EPB41: variants seen among roughly 807,000 people sequenced by gnomAD.
EPB41 encodes protein 4.1.
EPB41 carries 65 observed loss-of-function variants against 108.0 expected under a neutral mutation model. The ratio of observed to expected loss-of-function variants is 0.60; its 90% CI spans 0.49 to 0.74. The LOEUF (loss-of-function observed/expected upper bound fraction) is 0.74, where lower values mean the gene tolerates loss of function less well. Ranked by LOEUF, EPB41 falls within the 30% of genes least tolerant of loss-of-function variation. The pLI is 0.00. For synonymous variants in EPB41, 336 were observed against 358.9 expected, an observed-to-expected ratio of 0.94 and a Z score of 0.72; for missense variants, 875 against 1,037.0, an observed-to-expected ratio of 0.84 and a Z score of 2.15.
At chr1:28,933,210 C>T (rs2093836253) in intron 1 of EPB41, among the ~76,000 whole-genome samples, 2 of 152,206 alleles carry the variant, frequency 1.3e-5, no homozygotes, top group Admixed American at 6.5e-5. Flanking sequence ...TAGATGGCAA[C>T]ATTTGTCTTT....
intron 1 of EPB41, among the ~76,000 whole-genome samples, chr1:28,969,989 T>G (rs1461011634): frequency 6.6e-6 from 1 of 152,216 alleles, no homozygotes; most frequent in African/African-American, 2.4e-5. Flanking sequence ...ACCAAAAAAT[T>G]ATTGTTTACT....
At chr1:28,933,096 G>T (rs2093830643) in intron 1 of EPB41, among the ~76,000 whole-genome samples, 1 of 151,994 alleles carries the variant, frequency 6.6e-6, no homozygotes, top group African/African-American at 2.4e-5. Flanking sequence ...TTGTCTTTAT[G>T]TATTTTTTTC....
At chr1:28,970,821 T>C (rs558310125) in intron 1 of EPB41, among the ~76,000 whole-genome samples, 1 of 152,290 alleles carries the variant, frequency 6.6e-6, no homozygotes, top group African/African-American at 2.4e-5. Context: ...TCCAGTAATG[T>C]GAAGCATTAG....
chr1:29,009,414 C>G (rs1478841853), intron 4 of EPB41, among the ~76,000 whole-genome samples: 1 of 152,088 alleles, frequency 6.6e-6, no homozygotes, highest in Non-Finnish European at 1.5e-5. Flanking sequence ...TTTGCCTTCC[C>G]TATGTCAAGT....
At chr1:28,972,049 G>A (rs764519338) in intron 1 of EPB41, among the ~76,000 whole-genome samples, 2 of 150,808 alleles carry the variant, frequency 1.3e-5, no homozygotes, top group Admixed American at 6.6e-5. Flanking sequence ...CCCTGCCCCC[G>A]TAGCTGGGAC....
intron 1 of EPB41, among the ~76,000 whole-genome samples, chr1:28,972,154 C>T (rs1203771039): frequency 6.6e-6 from 1 of 152,154 alleles, no homozygotes; most frequent in Non-Finnish European, 1.5e-5. Flanking sequence ...TCTTGAACTC[C>T]TAGGCTCAAG....
chr1:28,996,652 T>G (rs927748667), intron 3 of EPB41, among the ~76,000 whole-genome samples: 12 of 152,222 alleles, frequency 7.9e-5, no homozygotes, highest in African/African-American at 2.9e-4. Context: ...TGCTTTGAAT[T>G]GTAACACAAT....
chr1:29,087,478 T>A (rs143159225), intron 16 of EPB41, among the ~76,000 whole-genome samples: 44 of 152,292 alleles, frequency 2.9e-4, no homozygotes, highest in African/African-American at 1.1e-3. Flanking sequence ...TTCTCCTGCC[T>A]CAGCCTCCCG....
At chr1:28,989,596 G>A (rs2095957931) in intron 2 of EPB41, among the ~76,000 whole-genome samples, 1 of 152,132 alleles carries the variant, frequency 6.6e-6, no homozygotes, top group African/African-American at 2.4e-5. Flanking sequence ...AAAGTGCTGA[G>A]GGTAAAATTT....
chr1:28,927,003 C>T (rs1017999761), intron 1 of EPB41, among the ~76,000 whole-genome samples: 2 of 152,106 alleles, frequency 1.3e-5, no homozygotes, highest in Admixed American at 6.5e-5. Context: ...GCTTTATTTC[C>T]GGTTGGGTAG....
intron 1 of EPB41, among the ~76,000 whole-genome samples, chr1:28,916,810 A>T (rs1367248547): frequency 2.0e-5 from 3 of 149,120 alleles, no homozygotes; most frequent in East Asian, 1.9e-4. Context: ...TTTTTTTTTT[A>T]AACAGGGTCT....
At chr1:28,975,167 G>A (rs1219857077) in intron 1 of EPB41, among the ~76,000 whole-genome samples, 1 of 151,916 alleles carries the variant, frequency 6.6e-6, no homozygotes, top group Non-Finnish European at 1.5e-5. Context: ...CCTGACCTCA[G>A]GTAATCCACC....
At chr1:28,953,595 G>A (rs1365690208) in intron 1 of EPB41, among the ~76,000 whole-genome samples, 1 of 152,212 alleles carries the variant, frequency 6.6e-6, no homozygotes, top group African/African-American at 2.4e-5. Context: ...ATGAATGTAT[G>A]AATGCATACA....
intron 1 of EPB41, among the ~76,000 whole-genome samples, chr1:28,940,468 A>G (rs1395520414): frequency 1.3e-5 from 2 of 152,052 alleles, no homozygotes; most frequent in Non-Finnish European, 2.9e-5. Flanking sequence ...CCTGGTCAGC[A>G]TGGTGAAACC....
chr1:29,058,482 A>G (rs924671632), intron 12 of EPB41, 107 bp from the exon 13 acceptor site: 4 of 947,120 alleles, frequency 4.2e-6, no homozygotes, highest in Non-Finnish European at 6.7e-6. Flanking sequence ...ATTACGTATC[A>G]GCGTATTTCA....
At chr1:28,897,614 G>C (rs1223022974) in intron 1 of EPB41, among the ~76,000 whole-genome samples, 1 of 20,464 alleles carries the variant, frequency 4.9e-5, no homozygotes, top group Admixed American at 7.2e-4. Flanking sequence ...GGAGGGGAGG[G>C]GAGAGGAGGG....
rs369391127 is a variant in EPB41 at position 28,907,199 on chromosome 1, G to A, written c.-8+19989G>A. On this transcript the variant is annotated intron_variant, in intron 1 of 16. Coordinates refer to the EPB41 transcript ENST00000347529. ...TGTTACTCAGCCTCCCAAGTAGCTG[G>A]GATTACAGGTGCCCGCGACCACACC... 1.4e-4 allele frequency among the ~76,000 whole-genome samples: 22 copies of A among 151,942 alleles called. No homozygotes were observed. The East Asian group carries it at 4.1e-3, about 28-fold the overall frequency.
intron 1 of EPB41, among the ~76,000 whole-genome samples, chr1:28,930,572 C>T (rs1372415422): frequency 1.3e-5 from 2 of 151,856 alleles, no homozygotes; most frequent in Non-Finnish European, 2.9e-5. Flanking sequence ...GCAACCTCCG[C>T]CTCCCAGGTT....
At chr1:29,065,364 T>C (rs1558209084) in intron 16 of EPB41, 3 of 818,480 alleles carry the variant, frequency 3.7e-6, no homozygotes, top group Non-Finnish European at 5.1e-6. Flanking sequence ...TAGGAGCTAT[T>C]TGGAGCCACC....
Sources: allele counts gnomAD v4.1 joint callset (sites outside exome capture counted in the v4.1 genomes callset), GRCh38; gene constraint gnomAD v4.1.1; transcripts MANE v1.5; gene names NCBI Gene and HGNC (gene_info 2026-07-23, HGNC 2026-07-21).